Variants in CCZ1B observed in about 807,000 individuals in gnomAD.
CCZ1B encodes the protein vacuolar fusion protein CCZ1 homolog B.
A neutral mutation model predicts 58.8 loss-of-function variants in CCZ1B; 25 were observed. That is an observed-to-expected ratio of 0.43 (90% CI 0.31 to 0.59). CCZ1B has a LOEUF of 0.59. Among genes scored for constraint, CCZ1B ranks in the 20% least tolerant of loss-of-function variants. CCZ1B has a pLI of 0.12. For synonymous variants in CCZ1B, 66 were observed against 173.2 expected (o/e 0.38, Z 4.86); for missense variants, 180 against 501.5 (o/e 0.36, Z 6.12).
intron 8 of CCZ1B, among the ~76,000 whole-genome samples, chr7:6,813,403 T>C (rs1583552420): frequency 6.7e-6 from 1 of 149,280 alleles, no homozygotes; most frequent in Non-Finnish European, 1.5e-5. Context: ...CTGGGCAACA[T>C]GACGAGATCC....
rs1263486430 is a variant in CCZ1B at position 6,819,306 on chromosome 7, G to A, written c.698+460C>T. Among the ~76,000 whole-genome samples, 7 of 146,560 alleles carry A rather than the reference G, an allele frequency of 4.8e-5. 1 individual carries two copies. In the East Asian group the frequency reaches 1.4e-3, roughly 29 times the overall value. On this transcript the variant is annotated intron_variant, in intron 7 of 14. Coordinates refer to ENST00000316731, the MANE Select transcript of CCZ1B (RefSeq NM_198097.5). ...GCTGGGGTACAGTGGTGCCATCTCG[G>A]CTCACTGCAACCTCCGCCTCCCGGG...
chr7:6,821,458 G>A (rs1464741759), intron 6 of CCZ1B, among the ~76,000 whole-genome samples: 1 of 152,306 alleles, frequency 6.6e-6, no homozygotes, highest in African/African-American at 2.4e-5. Flanking sequence ...TCATTAAAAT[G>A]ACAAAACAAC....
At chr7:6,815,679 A>C (rs540766456) in intron 7 of CCZ1B, among the ~76,000 whole-genome samples, 6 of 149,038 alleles carry the variant, frequency 4.0e-5, no homozygotes, top group Non-Finnish European at 5.9e-5. Context: ...AAAGAGTTAA[A>C]CTTCAGCCCA....
intron 6 of CCZ1B, among the ~76,000 whole-genome samples, chr7:6,822,024 C>T (rs1010814692): frequency 1.3e-5 from 2 of 149,328 alleles, no homozygotes; most frequent in African/African-American, 2.5e-5. Flanking sequence ...GGAGGCCAAA[C>T]GATGTCTCCA....
intron 5 of CCZ1B, among the ~76,000 whole-genome samples, chr7:6,823,098 C>A (rs562877779): frequency 6.7e-6 from 1 of 148,768 alleles, no homozygotes; most frequent in South Asian, 2.1e-4. Context: ...CACATTCCTA[C>A]TATAAGGCTG....
chr7:6,820,345 TTTTTTTCCA>T (rs1216307196), intron 6 of CCZ1B, among the ~76,000 whole-genome samples: 5 of 148,952 alleles, frequency 3.4e-5, no homozygotes, highest in African/African-American at 1.3e-4. Flanking sequence ...TGCCCAGCTA[TTTTTTTCCA>T]TTTTTAGTAG....
intron 10 of CCZ1B, among the ~76,000 whole-genome samples, chr7:6,809,930 T>C (rs1782893242): frequency 6.8e-6 from 1 of 147,104 alleles, no homozygotes; most frequent in Non-Finnish European, 1.5e-5. Flanking sequence ...TGCTCACTTA[T>C]TCTGCTGACG....
chr7:6,824,258 C>A, intron 3 of CCZ1B, 92 bp from the exon 4 acceptor site: 1 of 1,562,236 alleles, frequency 6.4e-7, no homozygotes, highest in Non-Finnish European at 8.6e-7. Flanking sequence ...TGCTACAGCA[C>A]CAGAAACACA....
chr7:6,820,842 G>A (rs1211324658), intron 6 of CCZ1B, among the ~76,000 whole-genome samples: 1 of 145,834 alleles, frequency 6.9e-6, no homozygotes, highest in Admixed American at 6.8e-5. Flanking sequence ...TTGAACTTGG[G>A]AGACTAAGGT....
At chr7:6,812,127 C>T in intron 9 of CCZ1B, 64 bp from the exon 10 acceptor site, 1 of 991,720 alleles carries the variant, frequency 1.0e-6, no homozygotes, top group Non-Finnish European at 1.6e-6. Context: ...AATCTAGAAA[C>T]AGAACACACT....
intron 1 of CCZ1B, 147 bp from the exon 2 acceptor site, chr7:6,824,884 A>T: frequency 9.3e-7 from 1 of 1,076,856 alleles, no homozygotes; most frequent in South Asian, 1.7e-5. Context: ...CAGGAATTGT[A>T]ATCCTAGTAT....
intron 12 of CCZ1B, among the ~76,000 whole-genome samples, chr7:6,803,633 C>T (rs1222233181): frequency 3.1e-4 from 44 of 140,020 alleles, no homozygotes; most frequent in East Asian, 6.9e-4. Context: ...CTCGCTTCTG[C>T]GCTCTTAGAG....
At chr7:6,817,612 A>C (rs1447549119) in intron 7 of CCZ1B, among the ~76,000 whole-genome samples, 1 of 149,734 alleles carries the variant, frequency 6.7e-6, no homozygotes, top group Non-Finnish European at 1.5e-5. Flanking sequence ...CATCTCCTAC[A>C]TTTCACAGCA....
At chr7:6,821,041 G>A (rs1440701439) in intron 6 of CCZ1B, among the ~76,000 whole-genome samples, 2 of 148,600 alleles carry the variant, frequency 1.3e-5, no homozygotes, top group Non-Finnish European at 3.0e-5. Context: ...TGGAGTCTTG[G>A]TCTGTCACCC....
At chr7:6,824,940 G>A (rs1251377322) in intron 1 of CCZ1B, among the ~76,000 whole-genome samples, 2 of 148,794 alleles carry the variant, frequency 1.3e-5, no homozygotes, top group African/African-American at 5.1e-5. Context: ...AGGAGTTCAA[G>A]ACCAGCATGG....
chr7:6,817,993 G>A (rs1462689931), intron 7 of CCZ1B, among the ~76,000 whole-genome samples: 1 of 147,904 alleles, frequency 6.8e-6, no homozygotes, highest in Non-Finnish European at 1.5e-5. Context: ...AACAGAAAGC[G>A]ACTCCATTTC....
intron 12 of CCZ1B, among the ~76,000 whole-genome samples, chr7:6,803,647 C>A (rs1782791084): frequency 1.4e-5 from 2 of 140,724 alleles, no homozygotes; most frequent in Admixed American, 7.4e-5. Flanking sequence ...CTTAGAGGCC[C>A]ACGGTTATAC....
rs112854893 is a variant in CCZ1B, at chr7:6,818,476, G to T, written c.698+1290C>A. On this transcript the variant is annotated intron_variant, in intron 7 of 14. Transcript: ENST00000316731. ...AGGCAGGAGAATCGCTTGAACCCAG[G>T]AAGGGGAAGTTGCAGTGAGCCAAGA... 4.7e-5 allele frequency among the ~76,000 whole-genome samples: 7 copies of T among 149,144 alleles called. 2 individuals carry two copies. The highest frequency in any genetic ancestry group is 1.8e-4 in the African/African-American group (7 of 39,414).
rs772437649 is a variant in CCZ1B, at chr7:6,819,821, C to T, written c.643G>A (p.Glu215Lys). ...KIQSFINRME[E>K]SLNIVKYTAF... ...GTGTATTTGACTATATTCAGGCTTT[C>T]CTCCATTCTATTAATAAAGGACTGG... The change falls in exon 7 of 15, where the codon GAA (glutamate) becomes AAA (lysine). Residue 215 changes from glutamate (E) to lysine (K), a missense_variant. Glu to Lys is a moderately conservative substitution (Grantham distance 56, BLOSUM62 1). Transcript: ENST00000316731. 1.3e-6 allele frequency: 2 copies of T among 1,566,664 alleles called. No homozygotes were observed. The highest frequency in any genetic ancestry group is 1.1e-5 in the South Asian group (1 of 88,916).
Sources: gnomAD v4.1 joint callset for allele counts (sites outside exome capture counted in the v4.1 genomes callset) on GRCh38, gnomAD v4.1.1 for gene constraint, MANE v1.5 for transcripts, NCBI Gene and HGNC (gene_info 2026-07-23, HGNC 2026-07-21) for gene names.